Variants in SAXO1 observed in about 807,000 individuals in gnomAD.
SAXO1 encodes the protein 4930500O09Rik.
Under a neutral mutation model 17.5 loss-of-function variants are expected in SAXO1, and 21 were observed. The observed-to-expected ratio is 1.20, with a 90% CI of 0.85 to 1.72. The LOEUF (loss-of-function observed/expected upper bound fraction) is 1.72. SAXO1 is among the 40% of genes most tolerant of loss of function. The probability of loss-of-function intolerance (pLI) is 0.00; values close to 1 mark genes in which losing one functional copy is unlikely to be tolerated. For missense variants in SAXO1, 843 were observed against 596.0 expected (o/e 1.41, Z -4.32); for synonymous variants, 274 against 216.5 (o/e 1.27, Z -2.33).
At chr9:18,932,101 A>G (rs1831078740) in intron 3 of SAXO1, among the ~76,000 whole-genome samples, 2 of 152,216 alleles carry the variant, frequency 1.3e-5, no homozygotes, top group African/African-American at 2.4e-5. Context: ...CATGCTTTTG[A>G]TGCCATGTCT....
intron 3 of SAXO1, among the ~76,000 whole-genome samples, chr9:18,931,920 G>C (rs966984419): frequency 3.9e-5 from 6 of 152,022 alleles, no homozygotes; most frequent in African/African-American, 1.2e-4. Flanking sequence ...TCTTACACCA[G>C]GTATGTGATT....
At chr9:19,006,334 A>G (rs1834480305) in intron 1 of SAXO1, among the ~76,000 whole-genome samples, 1 of 152,266 alleles carries the variant, frequency 6.6e-6, no homozygotes. Flanking sequence ...TCGCAGAAGC[A>G]TTATTCCAAT....
At chr9:18,964,337 G>A (rs926516003) in intron 1 of SAXO1, among the ~76,000 whole-genome samples, 2 of 152,190 alleles carry the variant, frequency 1.3e-5, no homozygotes, top group Admixed American at 1.3e-4. Context: ...AATAGTTTCA[G>A]AAGGAATGGT....
chr9:18,932,475 T>C (rs577635156), intron 3 of SAXO1, among the ~76,000 whole-genome samples: 2 of 152,382 alleles, frequency 1.3e-5, no homozygotes, highest in African/African-American at 4.8e-5. Context: ...TTTTACAACT[T>C]AGTTCTTATT....
chr9:19,024,874 T>C (rs1283569338), intron 1 of SAXO1, among the ~76,000 whole-genome samples: 1 of 152,128 alleles, frequency 6.6e-6, no homozygotes, highest in Non-Finnish European at 1.5e-5. Context: ...TTAATATCAA[T>C]GGAGGGAATG....
Position 19,027,705 on chromosome 9 carries a change from T to C in SAXO1, c.38+5166A>G, listed in dbSNP as rs1445220917. On this transcript the variant is annotated intron_variant, in intron 1 of 3. Transcript: ENST00000380534. ...ATCTTCACTGATGAGCTGGATGCCATAGGCACCAAGCACTTTGACAGCGAG... is the reference window on the plus strand; with the variant it reads ...ATCTTCACTGATGAGCTGGATGCCACAGGCACCAAGCACTTTGACAGCGAG... The C allele has an allele frequency of 1.7e-5, 23 of 1,363,398 alleles. No homozygotes were observed. The African/African-American group carries it at 1.9e-4, about 11-fold the overall frequency. 84.5% of individuals were successfully genotyped at this position (1,363,398 alleles called of 1,614,324 possible).
At chr9:18,947,723 TCTA>T (rs754770563) in intron 2 of SAXO1, 2 of 152,194 alleles carry the variant, frequency 1.3e-5, no homozygotes, top group Non-Finnish European at 2.9e-5. Flanking sequence ...AAAGGCAGAT[TCTA>T]CACCAGAGAA....
At chr9:19,015,837 G>C (rs1834952777) in intron 1 of SAXO1, among the ~76,000 whole-genome samples, 2 of 152,192 alleles carry the variant, frequency 1.3e-5, no homozygotes, top group South Asian at 4.2e-4. Flanking sequence ...ACTCAATGAA[G>C]TAACCATGTG....
intron 1 of SAXO1, 134 bp from the exon 2 acceptor site, chr9:18,951,071 G>T (rs745433894): frequency 3.3e-6 from 3 of 917,614 alleles, no homozygotes; most frequent in Non-Finnish European, 4.8e-6. Context: ...GAATTCAACG[G>T]TTACTTTTTT....
chr9:18,932,992 T>A (rs540158203), intron 3 of SAXO1, among the ~76,000 whole-genome samples: 60 of 152,354 alleles, frequency 3.9e-4, no homozygotes, highest in Non-Finnish European at 7.5e-4. Flanking sequence ...ATTTTCCTTT[T>A]GAGCCTAGAT....
At chr9:18,984,647 GAA>G (rs1377810321) in intron 1 of SAXO1, among the ~76,000 whole-genome samples, 8 of 152,210 alleles carry the variant, frequency 5.3e-5, no homozygotes, top group Admixed American at 6.5e-5. Flanking sequence ...TCACAGAACT[GAA>G]AAGAGTTAGG....
intron 1 of SAXO1, among the ~76,000 whole-genome samples, chr9:19,016,580 G>C (rs1834984151): frequency 6.6e-6 from 1 of 152,068 alleles, no homozygotes; most frequent in African/African-American, 2.4e-5. Flanking sequence ...GTCAAAAGTG[G>C]GGTAGGTGCC....
intron 1 of SAXO1, among the ~76,000 whole-genome samples, chr9:18,965,964 G>T (rs1432756661): frequency 6.6e-6 from 1 of 152,162 alleles, no homozygotes; most frequent in Non-Finnish European, 1.5e-5. Context: ...CTCAGCATTG[G>T]CTTGTCTGTA....
rs1415638232 is a variant in SAXO1, at chr9:19,033,181, C to T, written c.-273G>A. 1 of 392,758 alleles carries T rather than the reference C, an allele frequency of 2.5e-6. No individual in the cohort carries two copies. The highest frequency in any genetic ancestry group is 4.5e-6 in the Non-Finnish European group (1 of 220,866). 24.3% of individuals were successfully genotyped at this position (392,758 alleles called of 1,614,324 possible). A position where few individuals can be genotyped will look rare whatever the true frequency, so the allele number is the denominator to read the frequency against. On this transcript the variant is annotated 5_prime_UTR_variant, in exon 1 of 4. Coordinates refer to ENST00000380534, the MANE Select transcript of SAXO1 (RefSeq NM_153707.4). ...ACGCCACCGCCCCGGCCTCCGCAGT[C>T]CAGACTTAAGCACCTGGAGCGGCTG...
At chr9:18,967,011 A>T (rs920841483) in intron 1 of SAXO1, among the ~76,000 whole-genome samples, 15 of 152,204 alleles carry the variant, frequency 9.9e-5, no homozygotes, top group African/African-American at 2.7e-4. Context: ...CCTCTTCTGC[A>T]GGTCTGCTAG....
At chr9:18,967,198 G>T (rs1321584723) in intron 1 of SAXO1, among the ~76,000 whole-genome samples, 1 of 152,194 alleles carries the variant, frequency 6.6e-6, no homozygotes, top group Admixed American at 6.5e-5. Context: ...GCTGGGAGGT[G>T]TCTCCCAGCC....
chr9:18,949,624 T>C (rs1831940903), intron 2 of SAXO1, among the ~76,000 whole-genome samples: 1 of 152,156 alleles, frequency 6.6e-6, no homozygotes, highest in Non-Finnish European at 1.5e-5. Context: ...CAGACTGGAC[T>C]TCCCGTGGAT....
At chr9:18,959,371 G>C (rs1019363851) in intron 1 of SAXO1, among the ~76,000 whole-genome samples, 5 of 152,174 alleles carry the variant, frequency 3.3e-5, no homozygotes, top group Non-Finnish European at 7.4e-5. Flanking sequence ...GAGGGCAGAT[G>C]GATGACATTA....
intron 2 of SAXO1, among the ~76,000 whole-genome samples, chr9:18,949,848 T>C (rs961076075): frequency 1.3e-5 from 2 of 152,194 alleles, no homozygotes; most frequent in African/African-American, 2.4e-5. Flanking sequence ...TGTGCAAGCA[T>C]TGTGCTGGAA....
Sources: gnomAD v4.1 joint callset for allele counts (sites outside exome capture counted in the v4.1 genomes callset) on GRCh38, gnomAD v4.1.1 for gene constraint, MANE v1.5 for transcripts, NCBI Gene and HGNC (gene_info 2026-07-23, HGNC 2026-07-21) for gene names.